KLHL5: variants seen among roughly 807,000 people sequenced by gnomAD.
KLHL5 encodes the protein kelch-like protein 5.
In KLHL5, 48 loss-of-function variants were observed where a neutral mutation model predicts 77.7. The observed-to-expected ratio is 0.62, with a 90% CI of 0.49 to 0.79. The LOEUF (loss-of-function observed/expected upper bound fraction) is 0.79. Ranked by LOEUF, KLHL5 falls within the 30% of genes least tolerant of loss-of-function variation. The probability of loss-of-function intolerance (pLI) is 0.00; values close to 1 mark genes in which losing one functional copy is unlikely to be tolerated. For missense variants in KLHL5, 723 were observed against 859.7 expected (o/e 0.84, Z 1.99); for synonymous variants, 260 against 297.0 (o/e 0.88, Z 1.28).
intron 6 of KLHL5, among the ~76,000 whole-genome samples, chr4:39,101,126 T>TTATATATATATA (rs60405643): frequency 3.7e-5 from 5 of 134,850 alleles, no homozygotes; most frequent in African/African-American, 1.4e-4. Context: ...TATTTGGATT[T>TTATATATATATA]TATATATATA....
Position 39,102,101 on chromosome 4 carries a change from C to T in KLHL5, c.1301-1186C>T, listed in dbSNP as rs1721627041. On this transcript the variant is annotated intron_variant, in intron 6 of 10. Coordinates refer to ENST00000504108, the MANE Select transcript of KLHL5 (RefSeq NM_015990.5). ...CACGAGAAAATCTATATGTATAACA[C>T]AACTATTTCTAAATTTTAGGAAGTT... Among the ~76,000 whole-genome samples, 7 of 150,826 alleles carry T rather than the reference C, an allele frequency of 4.6e-5. No homozygotes were observed. The South Asian group carries it at 1.5e-3, about 31-fold the overall frequency.
At chr4:39,131,112 CAA>C (rs1316631777), downstream of KLHL5, among the ~76,000 whole-genome samples, 22 of 151,944 alleles carry the variant, frequency 1.4e-4, no homozygotes, top group East Asian at 2.9e-3. Context: ...CTTGGCCTCC[CAA>C]AGTGCTAGGA....
intron 6 of KLHL5, among the ~76,000 whole-genome samples, chr4:39,101,122 G>T (rs1721488504): frequency 1.5e-4 from 4 of 26,146 alleles, no homozygotes; most frequent in African/African-American, 4.4e-4. Context: ...TGGATATTTG[G>T]ATTTTATATA....
rs115117951 is a variant in KLHL5, at chr4:39,097,201, A to G, written c.1300+323A>G. Among the ~76,000 whole-genome samples the G allele has an allele frequency of 5.8e-3, 888 of 152,364 alleles. 13 individuals are homozygous for G. The highest frequency in any genetic ancestry group is 0.021 in the African/African-American group (861 of 41,598). On this transcript the variant is annotated intron_variant, in intron 6 of 10. Transcript: ENST00000504108. ...GTTTCCACGGTTCCACACCTATACA[A>G]ATAAACAAGGGAGAAAGGAAAGCTC...
downstream of KLHL5, among the ~76,000 whole-genome samples, chr4:39,131,704 CAT>C (rs1723805450): frequency 6.6e-6 from 1 of 151,850 alleles, no homozygotes; most frequent in Admixed American, 6.6e-5. Flanking sequence ...CCTGGGGCAA[CAT>C]AGTGACATCT....
chr4:39,118,059 T>TAAA (rs35309110), intron 10 of KLHL5, among the ~76,000 whole-genome samples: 9 of 126,168 alleles, frequency 7.1e-5, no homozygotes, highest in Admixed American at 2.4e-4. Flanking sequence ...AGACTCCATC[T>TAAA]AAAAAAAAAA....
chr4:39,096,470 A>C (rs1721077618), intron 5 of KLHL5, among the ~76,000 whole-genome samples: 2 of 152,228 alleles, frequency 1.3e-5, no homozygotes, highest in Non-Finnish European at 2.9e-5. Context: ...GCACTACAGT[A>C]CTAAGATTTT....
intron 5 of KLHL5, chr4:39,093,041 T>C (rs1720733314): frequency 2.2e-6 from 1 of 454,746 alleles, no homozygotes; most frequent in Non-Finnish European, 4.4e-6. Flanking sequence ...ACACAAAGAC[T>C]TGGACATAAA....
intron 1 of KLHL5, among the ~76,000 whole-genome samples, chr4:39,054,942 TG>T (rs1435954736): frequency 6.6e-6 from 1 of 152,240 alleles, no homozygotes; most frequent in Non-Finnish European, 1.5e-5. Flanking sequence ...CAGTTATACT[TG>T]TTATAGTAAT....
intron 1 of KLHL5, among the ~76,000 whole-genome samples, chr4:39,075,669 C>T (rs1560416177): frequency 6.6e-6 from 1 of 152,014 alleles, no homozygotes; most frequent in East Asian, 1.9e-4. Flanking sequence ...TAGCTTAGCT[C>T]TTTTTCAGCA....
upstream of KLHL5, among the ~76,000 whole-genome samples, chr4:39,058,500 CCA>C (rs1717155332): frequency 6.6e-6 from 1 of 151,898 alleles, no homozygotes; most frequent in South Asian, 2.1e-4. Flanking sequence ...GCCTGTAGTC[CCA>C]GTTACCTGGG....
In KLHL5 at chr4:39,113,241, C is replaced by A; in HGVS notation, c.1901+9C>A. ...TCAGACTGTGTGGAAAGGTAATTTC[C>A]TGGGAAGAAAAACTAGGAACAAAAA... On this transcript the variant is annotated intron_variant, in intron 9 of 10. Coordinates refer to ENST00000504108, the MANE Select transcript of KLHL5 (RefSeq NM_015990.5). 1.2e-6 allele frequency: 2 copies of A among 1,605,296 alleles called. No homozygotes were observed. The highest frequency in any genetic ancestry group is 3.4e-5 in the Admixed American group (2 of 59,102).
intron 1 of KLHL5, among the ~76,000 whole-genome samples, chr4:39,074,718 T>A (rs1186490068): frequency 6.6e-6 from 1 of 152,176 alleles, no homozygotes; most frequent in Non-Finnish European, 1.5e-5. Context: ...GTAAGAAATA[T>A]GGTGACTTTT....
intron 10 of KLHL5, among the ~76,000 whole-genome samples, chr4:39,116,929 C>G (rs1038105403): frequency 6.6e-6 from 1 of 152,120 alleles, no homozygotes; most frequent in Admixed American, 6.5e-5. Flanking sequence ...CTTCACCTCC[C>G]GCATTCAAGA....
At chr4:39,139,091 G>C in the KLHL5 span, among the ~76,000 whole-genome samples, 1 of 152,090 alleles carries the variant, frequency 6.6e-6, no homozygotes, top group African/African-American at 2.4e-5. Context: ...AGACCGGCCT[G>C]TCCAACATGG....
chr4:39,091,743 T>C (rs1720578307), intron 5 of KLHL5, among the ~76,000 whole-genome samples: 1 of 147,770 alleles, frequency 6.8e-6, no homozygotes. Context: ...CAATCATAGC[T>C]CACTGCAGCC....
At chr4:39,060,785 ATT>A (rs1388066273), upstream of KLHL5, among the ~76,000 whole-genome samples, 1 of 152,128 alleles carries the variant, frequency 6.6e-6, no homozygotes, top group East Asian at 1.9e-4. Context: ...GGAAAGTGTC[ATT>A]TCACTCTCTA....
chr4:39,102,054 T>TA (rs1721622929), intron 6 of KLHL5, among the ~76,000 whole-genome samples: 1 of 149,878 alleles, frequency 6.7e-6, no homozygotes, highest in Admixed American at 6.6e-5. Context: ...GTAGGGTAAA[T>TA]AAAAAATAAT....
At position 39,121,891 on chromosome 4, in the gene KLHL5, G is replaced by A. The variant is rs1017693344; in HGVS notation, c.*825G>A. 4 of 152,520 alleles carry A rather than the reference G, an allele frequency of 2.6e-5. No homozygotes were observed. The highest frequency in any genetic ancestry group is 6.6e-5 in the Admixed American group (1 of 15,266). 9.4% of individuals were successfully genotyped at this position (152,520 alleles called of 1,614,324 possible). On this transcript the variant is annotated 3_prime_UTR_variant, in exon 11 of 11. Coordinates refer to ENST00000504108, the MANE Select transcript of KLHL5 (RefSeq NM_015990.5). ...GGATTTGTTTTATATTATAAAAGATGTTTTGATTTTGTCTTTTGATATTGA... is the reference window on the plus strand; with the variant it reads ...GGATTTGTTTTATATTATAAAAGATATTTTGATTTTGTCTTTTGATATTGA...
Sources: gnomAD v4.1 joint callset for allele counts (sites outside exome capture counted in the v4.1 genomes callset) on GRCh38, gnomAD v4.1.1 for gene constraint, MANE v1.5 for transcripts, NCBI Gene and HGNC (gene_info 2026-07-23, HGNC 2026-07-21) for gene names.